The following CBLL1 variants were observed in gnomAD, a reference collection of about 807,000 sequenced individuals.
The protein encoded by CBLL1 is E3 ubiquitin-protein ligase Hakai.
In CBLL1, 4 loss-of-function variants were observed where a neutral mutation model predicts 44.9. The ratio of observed to expected loss-of-function variants is 0.09; its 90% CI spans 0.04 to 0.20. The LOEUF is 0.20. Among genes scored for constraint, CBLL1 ranks in the 10% least tolerant of loss-of-function variants. The pLI, the probability that CBLL1 is intolerant of heterozygous loss-of-function variation, is 1.00. For synonymous variants in CBLL1, 235 were observed against 202.2 expected, an observed-to-expected ratio of 1.16 and a Z score of -1.38; for missense variants, 569 against 636.7, an observed-to-expected ratio of 0.89 and a Z score of 1.14.
intron 5 of CBLL1, chr7:107,755,701 A>G (rs1170413204): frequency 2.2e-5 from 7 of 320,548 alleles, no homozygotes; most frequent in East Asian, 1.5e-4. Flanking sequence ...ATTGGTCAAA[A>G]TGAAATCTGT....
rs1793648932 is a variant in CBLL1, at chr7:107,758,841, C to T, written c.1139C>T (p.Ala380Val). Reference sequence around the variant, plus strand: ...GCTCCACCTCCACCAATGACCTCTGCTCCACCACCAATAACCCCTCCCCCT... The same window carrying T: ...GCTCCACCTCCACCAATGACCTCTGTTCCACCACCAATAACCCCTCCCCCT... ...SQAPPPPMTSAPPPITPPPGH... is the reference protein window; with the variant it reads ...SQAPPPPMTSVPPPITPPPGH... Residue 380 changes from alanine (A) to valine (V), a missense_variant, in exon 6 of 6, where the codon GCT (alanine) becomes GTT (valine). Ala to Val is a moderately conservative substitution (Grantham distance 64). Transcript: ENST00000440859. This position sits in a 1 kb window ranked among gnomAD's most constrained non-coding sequence, Gnocchi z 4.2. The T allele has an allele frequency of 6.2e-7, 1 of 1,614,022 alleles. No homozygotes were observed. The highest frequency in any genetic ancestry group is 8.5e-7 in the Non-Finnish European group (1 of 1,179,968).
At chr7:107,754,032 T>C in intron 4 of CBLL1, 54 bp downstream of exon 4, 2 of 1,152,594 alleles carry the variant, frequency 1.7e-6, no homozygotes, top group Admixed American at 2.2e-5. Context: ...AGAGGTGGGG[T>C]TCTGAAATTT....
intron 2 of CBLL1, among the ~76,000 whole-genome samples, chr7:107,750,338 C>T (rs995506168): frequency 2.0e-5 from 3 of 151,492 alleles, no homozygotes; most frequent in Admixed American, 6.6e-5. Context: ...CAGAGTCTTG[C>T]GCTGTCACCC....
In CBLL1 at chr7:107,755,507, C is replaced by A; in HGVS notation, c.440+16C>A. ...TGTGTCCAGGGTAAGATAAGATTAT[C>A]ATTACCTTTTTTAAATAATAAAGTT... On this transcript the variant is annotated intron_variant, in intron 5 of 5. Transcript: ENST00000440859. The A allele has an allele frequency of 7.0e-7, 1 of 1,420,188 alleles. No homozygotes were observed. The highest frequency in any genetic ancestry group is 1.5e-5 in the African/African-American group (1 of 68,644). The allele number at this position is 1,420,188 out of a possible 1,614,324, so 88.0% of individuals were successfully genotyped here.
intron 5 of CBLL1, among the ~76,000 whole-genome samples, chr7:107,755,980 ATAG>A (rs1793510817): frequency 6.6e-6 from 1 of 152,170 alleles, no homozygotes; most frequent in Non-Finnish European, 1.5e-5. Context: ...ATACATATAT[ATAG>A]TAGCTGGCAT....
At position 107,758,101 on chromosome 7, in the gene CBLL1, A is replaced by G; in HGVS notation, c.441-42A>G. 1 of 1,503,038 alleles carries G rather than the reference A, an allele frequency of 6.7e-7. No homozygotes were observed. The highest frequency in any genetic ancestry group is 1.3e-5 in the South Asian group (1 of 75,268). 93.1% of individuals were successfully genotyped at this position (1,503,038 alleles called of 1,614,324 possible). A position where few individuals can be genotyped will look rare whatever the true frequency, so the allele number is the denominator to read the frequency against. On this transcript the variant is annotated intron_variant, in intron 5 of 5. Coordinates refer to ENST00000440859, the MANE Select transcript of CBLL1 (RefSeq NM_024814.4). This position sits in a 1 kb window ranked among gnomAD's most constrained non-coding sequence, Gnocchi z 4.2. The stretch of plus-strand genomic sequence containing the variant: ...TTTTGAAAATTACATAATTTTTTGT[A>G]TTCTCTTTTAGTAAATCACATTTCT...
Position 107,761,439 on chromosome 7 carries a change from A to G in CBLL1, c.*2261A>G, listed in dbSNP as rs1230433638. On this transcript the variant is annotated 3_prime_UTR_variant, in exon 6 of 6. Coordinates refer to ENST00000440859, the MANE Select transcript of CBLL1 (RefSeq NM_024814.4). ...TTTAAATCGTGTTAGACTTGAATTC[A>G]TCAATTGTTTGAATGAGGGTGGGTG... The G allele has an allele frequency of 2.0e-5, 3 of 152,178 alleles. No homozygotes were observed. The highest frequency in any genetic ancestry group is 7.2e-5 in the African/African-American group (3 of 41,458). The allele number at this position is 152,178 out of a possible 1,614,324, so 9.4% of individuals were successfully genotyped here.
chr7:107,744,373 C>G (rs752859523), intron 1 of CBLL1, 197 bp downstream of exon 1: 63 of 603,736 alleles, frequency 1.0e-4, no homozygotes, highest in Non-Finnish European at 1.5e-4. Flanking sequence ...TGGTACCTAC[C>G]TCCTCCGTGC....
At chr7:107,747,718 T>A (rs908940441) in intron 1 of CBLL1, among the ~76,000 whole-genome samples, 1 of 152,180 alleles carries the variant, frequency 6.6e-6, no homozygotes, top group African/African-American at 2.4e-5. Flanking sequence ...ATTTTTAATT[T>A]TGTTTGGTAT....
In CBLL1 at chr7:107,753,391, C is replaced by A; in HGVS notation, c.182-20C>A. On this transcript the variant is annotated intron_variant, in intron 2 of 5. Coordinates refer to ENST00000440859, the MANE Select transcript of CBLL1 (RefSeq NM_024814.4). ...ATTTGAGATTTGGAAAGTTAATGGG[C>A]AATACTTTTTTTTTCTCAGAAGGAT... 1 of 1,481,508 alleles carries A rather than the reference C, an allele frequency of 6.7e-7. No homozygotes were observed. Among genetic ancestry groups the A allele is most frequent in the Non-Finnish European group, 9.2e-7 (1 of 1,086,828 alleles). The allele number at this position is 1,481,508 out of a possible 1,614,324, so 91.8% of individuals were successfully genotyped here.
intron 1 of CBLL1, among the ~76,000 whole-genome samples, chr7:107,746,405 A>C (rs1019713537): frequency 3.0e-4 from 36 of 121,854 alleles, no homozygotes; most frequent in Middle Eastern, 7.7e-3. Context: ...CTTCTTACCT[A>C]TTTTATTTTT....
In CBLL1 at chr7:107,759,589, AT is replaced by A. The variant is rs1222710978; in HGVS notation, c.*416del. The A allele has an allele frequency of 6.4e-6, 1 of 156,598 alleles. No individual in the cohort carries two copies. Among genetic ancestry groups the A allele is most frequent in the African/African-American group, 2.4e-5 (1 of 41,568 alleles). The allele number at this position is 156,598 out of a possible 1,614,324, so 9.7% of individuals were successfully genotyped here. ...ATTTCAATATGGTTGTAAAAATGCT[AT>A]TTTTATGTGAATTTAAGTGCAGCCA... On this transcript the variant is annotated 3_prime_UTR_variant, in exon 6 of 6. Coordinates refer to ENST00000440859, the MANE Select transcript of CBLL1 (RefSeq NM_024814.4).
chr7:107,745,905 A>G (rs977400114), intron 1 of CBLL1, among the ~76,000 whole-genome samples: 4 of 152,204 alleles, frequency 2.6e-5, no homozygotes, highest in Admixed American at 2.6e-4. Flanking sequence ...TGAGATAACT[A>G]CTGAGACACA....
At chr7:107,748,217 A>C (rs948113619) in intron 1 of CBLL1, among the ~76,000 whole-genome samples, 1 of 152,210 alleles carries the variant, frequency 6.6e-6, no homozygotes, top group Non-Finnish European at 1.5e-5. Context: ...CTTAAATTAT[A>C]ATTTTCCATT....
intron 1 of CBLL1, among the ~76,000 whole-genome samples, chr7:107,748,391 G>A (rs541178558): frequency 1.3e-5 from 2 of 152,080 alleles, no homozygotes; most frequent in Non-Finnish European, 2.9e-5. Context: ...ATTTTCAAAC[G>A]CATTGTTTAA....
chr7:107,744,470 G>A, intron 1 of CBLL1: 1 of 408,162 alleles, frequency 2.5e-6, no homozygotes, highest in East Asian at 3.7e-5. Context: ...GAGAGCCCCG[G>A]CTCTGTTTTA....
rs781095554 is a variant in CBLL1, at chr7:107,758,075, T to G, written c.441-68T>G. The G allele has an allele frequency of 6.0e-5, 83 of 1,389,120 alleles. No homozygotes were observed. Among genetic ancestry groups the G allele is most frequent in the Non-Finnish European group, 7.8e-5 (80 of 1,028,296 alleles). The allele number at this position is 1,389,120 out of a possible 1,614,324, so 86.0% of individuals were successfully genotyped here. A position where few individuals can be genotyped will look rare whatever the true frequency, so the allele number is the denominator to read the frequency against. On this transcript the variant is annotated intron_variant, in intron 5 of 5. Coordinates refer to ENST00000440859, the MANE Select transcript of CBLL1 (RefSeq NM_024814.4). This position sits in a 1 kb window ranked among gnomAD's most constrained non-coding sequence, Gnocchi z 4.2. ...CAGTCAAATTTTAAAAACAAGCATA[T>G]TTTTGAAAATTACATAATTTTTTGT... is the stretch of plus-strand genomic sequence containing the variant.
chr7:107,756,357 A>C (rs1004772351), intron 5 of CBLL1, among the ~76,000 whole-genome samples: 3 of 152,172 alleles, frequency 2.0e-5, no homozygotes, highest in African/African-American at 7.2e-5. Context: ...CCAGGAGAGA[A>C]AGGGGTGATT....
In CBLL1 at chr7:107,755,504, T is replaced by G. The variant is rs190225399; in HGVS notation, c.440+13T>G. 10 of 1,440,832 alleles carry G rather than the reference T, an allele frequency of 6.9e-6. No individual in the cohort carries two copies. Among genetic ancestry groups the G allele is most frequent in the East Asian group, 4.9e-5 (2 of 41,220 alleles). 89.3% of individuals were successfully genotyped at this position (1,440,832 alleles called of 1,614,324 possible). A position where few individuals can be genotyped will look rare whatever the true frequency, so the allele number is the denominator to read the frequency against. ...AGATGTGTCCAGGGTAAGATAAGAT[T>G]ATCATTACCTTTTTTAAATAATAAA... On this transcript the variant is annotated intron_variant, in intron 5 of 5. Transcript: ENST00000440859.
Sources: allele counts gnomAD v4.1 joint callset (sites outside exome capture counted in the v4.1 genomes callset), GRCh38; gene constraint gnomAD v4.1.1; non-coding constraint Gnocchi (gnomAD v3.1); transcripts MANE v1.5; gene names NCBI Gene and HGNC (gene_info 2026-07-23, HGNC 2026-07-21).